Variants in CCDC18 observed in about 807,000 individuals in gnomAD.
The protein encoded by CCDC18 is coiled-coil domain containing 18, also known as coiled-coil domain-containing protein 18.
CCDC18 carries 157 observed loss-of-function variants against 196.0 expected under a neutral mutation model. The observed-to-expected ratio is 0.80, with a 90% CI of 0.70 to 0.91. The LOEUF (loss-of-function observed/expected upper bound fraction) is 0.91, where lower values mean the gene tolerates loss of function less well. CCDC18 is among the 40% of genes least tolerant of loss of function. The pLI is 0.00. For missense variants in CCDC18, 1,465 were observed against 1,611.6 expected (o/e 0.91, Z 1.56); for synonymous variants, 482 against 529.2 (o/e 0.91, Z 1.22).
chr1:93,251,813 A>T (rs904995598), intron 23 of CCDC18, among the ~76,000 whole-genome samples: 1 of 151,966 alleles, frequency 6.6e-6, no homozygotes, highest in African/African-American at 2.4e-5. Flanking sequence ...GCATACTTAT[A>T]TCTTTCCTCA....
upstream of CCDC18, chr1:93,180,418 G>A (rs775616368): frequency 1.6e-5 from 20 of 1,257,944 alleles, no homozygotes; most frequent in Non-Finnish European, 2.1e-5. Context: ...TTCTCCAAAG[G>A]GTAGGGACTC....
intron 23 of CCDC18, among the ~76,000 whole-genome samples, chr1:93,249,711 A>G (rs984655670): frequency 4.6e-5 from 7 of 152,236 alleles, no homozygotes; most frequent in Non-Finnish European, 1.0e-4. Context: ...TAAAGGTAGA[A>G]ATCCTATCAA....
At chr1:93,262,045 T>C (rs1347051282) in intron 26 of CCDC18, 1 of 152,152 alleles carries the variant, frequency 6.6e-6, no homozygotes, top group Non-Finnish European at 1.5e-5. Context: ...TGCCACACTT[T>C]TAAACCATCA....
At chr1:93,215,470 T>TC (rs1365349756) in intron 12 of CCDC18, among the ~76,000 whole-genome samples, 1 of 147,958 alleles carries the variant, frequency 6.8e-6, no homozygotes, top group Non-Finnish European at 1.5e-5. Context: ...TTTTTTTTTT[T>TC]CTTAGAGACA....
At chr1:93,208,248 C>T (rs1442753084) in intron 9 of CCDC18, among the ~76,000 whole-genome samples, 6 of 152,172 alleles carry the variant, frequency 3.9e-5, no homozygotes, top group Non-Finnish European at 7.4e-5. Flanking sequence ...CACTTCCTTG[C>T]CAACACTTGT....
At chr1:93,257,245 AAAAAAAAAAAAAAAC>A (rs886374852) in intron 25 of CCDC18, among the ~76,000 whole-genome samples, 7 of 144,802 alleles carry the variant, frequency 4.8e-5, no homozygotes, top group African/African-American at 1.9e-4. Context: ...AAAAAAAAAA[AAAAAAAAAAAAAAAC>A]ATGAAAACTA....
chr1:93,231,715 A>C (rs1043842840), intron 17 of CCDC18, among the ~76,000 whole-genome samples: 3 of 152,352 alleles, frequency 2.0e-5, no homozygotes, highest in Non-Finnish European at 4.4e-5. Context: ...AGTCCTAAAT[A>C]TATAGAGTAA....
intron 17 of CCDC18, among the ~76,000 whole-genome samples, chr1:93,230,026 T>C (rs1164746563): frequency 6.6e-6 from 1 of 151,880 alleles, no homozygotes; most frequent in Non-Finnish European, 1.5e-5. Context: ...GCAACAATTA[T>C]GAGACTTTCT....
At chr1:93,184,755 A>C (rs1650336135) in intron 3 of CCDC18, among the ~76,000 whole-genome samples, 1 of 151,936 alleles carries the variant, frequency 6.6e-6, no homozygotes, top group Non-Finnish European at 1.5e-5. Flanking sequence ...GGTTGCACAT[A>C]ATCTTTTTGG....
intron 23 of CCDC18, among the ~76,000 whole-genome samples, chr1:93,252,575 GTTCT>G (rs1485503456): frequency 6.6e-6 from 1 of 151,106 alleles, no homozygotes; most frequent in Non-Finnish European, 1.5e-5. Context: ...CCTATTTTCA[GTTCT>G]TTGAGAGATC....
chr1:93,275,483 G>C (rs1271344438), intron 28 of CCDC18, among the ~76,000 whole-genome samples: 1 of 152,144 alleles, frequency 6.6e-6, no homozygotes, highest in African/African-American at 2.4e-5. Context: ...TATTTCACCT[G>C]CCACTTAAGT....
intron 28 of CCDC18, 51 bp downstream of exon 28, chr1:93,270,865 CATTTT>C: frequency 7.3e-7 from 1 of 1,373,836 alleles, no homozygotes; most frequent in Non-Finnish European, 9.5e-7. Flanking sequence ...CAAAGAATAT[CATTTT>C]ATTACTTGGA....
chr1:93,236,422 C>T (rs1440658164), intron 19 of CCDC18, 32 bp downstream of exon 19: 2 of 1,570,464 alleles, frequency 1.3e-6, no homozygotes, highest in Non-Finnish European at 1.7e-6. Flanking sequence ...TTTACCTTCC[C>T]ACTTCAATAT....
At chr1:93,214,709 C>G (rs1364748299) in intron 11 of CCDC18, 34 bp from the exon 12 acceptor site, 1 of 1,464,684 alleles carries the variant, frequency 6.8e-7, no homozygotes, top group African/African-American at 1.4e-5. Flanking sequence ...TCTTGAAGTC[C>G]TATTCAGAAC....
At chr1:93,202,815 A>C (rs1003936446) in intron 7 of CCDC18, among the ~76,000 whole-genome samples, 21 of 152,350 alleles carry the variant, frequency 1.4e-4, no homozygotes, top group Non-Finnish European at 2.5e-4. Flanking sequence ...AAGATTGACA[A>C]GTATGTAAAC....
intron 14 of CCDC18, 84 bp downstream of exon 14, chr1:93,217,953 G>A: frequency 8.6e-7 from 1 of 1,161,204 alleles, no homozygotes; most frequent in Non-Finnish European, 1.2e-6. Context: ...TGTAGACGAG[G>A]ACACAAAGAT....
At chr1:93,197,067 A>T (rs926963097) in intron 6 of CCDC18, among the ~76,000 whole-genome samples, 2 of 152,224 alleles carry the variant, frequency 1.3e-5, no homozygotes, top group South Asian at 4.1e-4. Flanking sequence ...TACATGTATT[A>T]TATCATGACT....
At chr1:93,197,740 CTTTT>C (rs1652975525) in intron 6 of CCDC18, among the ~76,000 whole-genome samples, 1 of 114,890 alleles carries the variant, frequency 8.7e-6, no homozygotes, top group Admixed American at 9.9e-5. Context: ...CATTTCTTTT[CTTTT>C]CTTTTTTTTT....
chr1:93,191,094 T>C, intron 4 of CCDC18: 1 of 615,392 alleles, frequency 1.6e-6, no homozygotes, highest in Non-Finnish European at 2.9e-6. Context: ...GGAGATTTTT[T>C]TTTTTTTTTT....
Sources: gnomAD v4.1 joint callset for allele counts (sites outside exome capture counted in the v4.1 genomes callset) on GRCh38, gnomAD v4.1.1 for gene constraint, MANE v1.5 for transcripts, NCBI Gene and HGNC (gene_info 2026-07-23, HGNC 2026-07-21) for gene names.